The following LARGE1 variants were observed in gnomAD, a reference collection of about 807,000 sequenced individuals.
LARGE1 encodes LARGE xylosyl- and glucuronyltransferase 1, also known as xylosyl- and glucuronyltransferase LARGE1.
LARGE1 carries 43 observed loss-of-function variants against 87.6 expected under a neutral mutation model. That is an observed-to-expected ratio of 0.49 (90% CI 0.38 to 0.63). The LOEUF (loss-of-function observed/expected upper bound fraction) is 0.63. Ranked by LOEUF, LARGE1 falls within the 30% of genes least tolerant of loss-of-function variation. LARGE1 has a pLI of 0.00. For missense variants in LARGE1, 802 were observed against 1,000.2 expected, an observed-to-expected ratio of 0.80 and a Z score of 2.67; for synonymous variants, 434 against 394.6, an observed-to-expected ratio of 1.10 and a Z score of -1.18.
intron 1 of LARGE1, among the ~76,000 whole-genome samples, chr22:33,836,365 G>A (rs2063109384): frequency 6.6e-6 from 1 of 152,134 alleles, no homozygotes; most frequent in Non-Finnish European, 1.5e-5. Context: ...ACACAATGGT[G>A]TCAACTGTGT....
intron 6 of LARGE1, among the ~76,000 whole-genome samples, chr22:33,521,616 A>G (rs953373081): frequency 6.6e-6 from 1 of 152,202 alleles, no homozygotes; most frequent in Non-Finnish European, 1.5e-5. Flanking sequence ...CCTCCTCTTA[A>G]TGGGAGGAGC....
intron 4 of LARGE1, among the ~76,000 whole-genome samples, chr22:33,620,457 T>C (rs1288896548): frequency 1.3e-5 from 2 of 152,186 alleles, no homozygotes; most frequent in African/African-American, 4.8e-5. Flanking sequence ...AATTTTCCTC[T>C]GAATAGCCTG....
At chr22:33,309,584 C>A (rs1021641240) in intron 11 of LARGE1, among the ~76,000 whole-genome samples, 36 of 152,310 alleles carry the variant, frequency 2.4e-4, no homozygotes, top group African/African-American at 8.2e-4. Flanking sequence ...CCAAATCGAC[C>A]GAAGCCTTGA....
At chr22:33,330,611 T>C (rs867760022) in intron 10 of LARGE1, among the ~76,000 whole-genome samples, 5 of 152,332 alleles carry the variant, frequency 3.3e-5, no homozygotes, top group Middle Eastern at 6.8e-3. Flanking sequence ...GCATACCAAA[T>C]GCTTACTGCA....
At chr22:33,465,888 T>A (rs1374720461) in intron 6 of LARGE1, among the ~76,000 whole-genome samples, 2 of 152,188 alleles carry the variant, frequency 1.3e-5, no homozygotes, top group Non-Finnish European at 2.9e-5. Flanking sequence ...ATATCTTGGA[T>A]CTAGCCACCT....
At chr22:33,581,388 G>C (rs181428948) in intron 5 of LARGE1, among the ~76,000 whole-genome samples, 5 of 152,294 alleles carry the variant, frequency 3.3e-5, no homozygotes, top group Admixed American at 1.3e-4. Flanking sequence ...CCTAAAATCA[G>C]CTTGGTGAAA....
chr22:33,265,873 G>A (rs896993181), intron 11 of LARGE1, among the ~76,000 whole-genome samples: 10 of 152,066 alleles, frequency 6.6e-5, no homozygotes, highest in East Asian at 3.9e-4. Context: ...AAGGGGGTTC[G>A]TTAGAAAATG....
At position 33,866,391 on chromosome 22, in the gene LARGE1, G is replaced by A. The variant is rs145332188; in HGVS notation, c.-83+53604C>T. Among the ~76,000 whole-genome samples the A allele has an allele frequency of 1.1e-3, 167 of 152,278 alleles. 3 individuals are homozygous for A. The East Asian group carries it at 0.027, about 24-fold the overall frequency. On this transcript the variant is annotated intron_variant, in intron 1 of 14. Transcript: ENST00000397394. ...AAAATTCAGTTCCTCAGTTGCACTAGCTACCTTTCAAGTACTCAGTAACTA... is the reference window on the plus strand; with the variant it reads ...AAAATTCAGTTCCTCAGTTGCACTAACTACCTTTCAAGTACTCAGTAACTA...
At chr22:33,283,480 AG>A in intron 12 of LARGE1, 132 bp from the exon 13 acceptor site, 7 of 1,006,366 alleles carry the variant, frequency 7.0e-6, no homozygotes, top group Middle Eastern at 2.2e-4. Context: ...TCTCAATTAA[AG>A]ATGGGGAAAC....
chr22:33,750,014 A>G (rs1335062384), intron 2 of LARGE1, among the ~76,000 whole-genome samples: 2 of 152,176 alleles, frequency 1.3e-5, no homozygotes, highest in East Asian at 3.9e-4. Context: ...TGGGACAAGG[A>G]TGAAGTTGTT....
At chr22:33,866,758 T>G (rs2064116581) in intron 1 of LARGE1, among the ~76,000 whole-genome samples, 1 of 152,158 alleles carries the variant, frequency 6.6e-6, no homozygotes, top group South Asian at 2.1e-4. Context: ...TTAGAAAGAC[T>G]TTTATAGAAA....
At chr22:33,793,759 T>C (rs11912570) in intron 1 of LARGE1, among the ~76,000 whole-genome samples, 12,285 of 151,104 alleles carry the variant, frequency 0.081, 559 homozygotes, top group Admixed American at 0.11. Context: ...CAGATCTCTG[T>C]TTTCTCAAAT....
intron 1 of LARGE1, among the ~76,000 whole-genome samples, chr22:33,793,823 CCTCT>C (rs1302569467): frequency 8.6e-5 from 13 of 151,806 alleles, no homozygotes; most frequent in Non-Finnish European, 1.8e-4. Flanking sequence ...CCTCTTATTG[CCTCT>C]CTGTCATAAT....
upstream of LARGE1, chr22:33,922,280 G>GGGGGGTGGGGGGTA (rs1569037208): frequency 7.4e-6 from 1 of 135,562 alleles, no homozygotes; most frequent in Non-Finnish European, 1.6e-5. Context: ...CTGGGGGGGT[G>GGGGGGTGGGGGGTA]GGGCGGCAAG....
chr22:33,481,086 T>C (rs1305091613), intron 6 of LARGE1, among the ~76,000 whole-genome samples: 2 of 152,026 alleles, frequency 1.3e-5, no homozygotes, highest in African/African-American at 4.8e-5. Flanking sequence ...GTGTCAAATA[T>C]ATACATATTT....
At chr22:33,615,539 C>T (rs1029658877) in intron 4 of LARGE1, among the ~76,000 whole-genome samples, 50 of 152,028 alleles carry the variant, frequency 3.3e-4, no homozygotes, top group Admixed American at 3.1e-3. Context: ...TGTGAAGACA[C>T]AGCAAGAAGG....
chr22:33,920,499 G>T (rs980539425), upstream of LARGE1: 1 of 145,564 alleles, frequency 6.9e-6, no homozygotes, highest in Non-Finnish European at 1.5e-5. Context: ...CGCCGAACGC[G>T]GCGGCGCGGG....
chr22:33,276,757 G>A (rs1929380798), intron 14 of LARGE1, among the ~76,000 whole-genome samples: 1 of 152,214 alleles, frequency 6.6e-6, no homozygotes, highest in African/African-American at 2.4e-5. Flanking sequence ...AAGACCAAGT[G>A]ATGAATGGTC....
At chr22:33,105,050 T>G in the LARGE1 span, among the ~76,000 whole-genome samples, 194 of 151,714 alleles carry the variant, frequency 1.3e-3, no homozygotes, top group Non-Finnish European at 2.1e-3. Flanking sequence ...CAGGCTGGAG[T>G]GCAGTGGTAC....
Sources: allele counts gnomAD v4.1 joint callset (sites outside exome capture counted in the v4.1 genomes callset), GRCh38; gene constraint gnomAD v4.1.1; transcripts MANE v1.5; gene names NCBI Gene and HGNC (gene_info 2026-07-23, HGNC 2026-07-21).